The following HMCN2 variants were observed in gnomAD, a reference collection of about 807,000 sequenced individuals.
HMCN2 encodes the protein hemicentin 2, also known as hemicentin-2.
A neutral mutation model predicts 377.5 loss-of-function variants in HMCN2; 325 were observed. That is an observed-to-expected ratio of 0.86 (90% CI 0.79 to 0.94). HMCN2 has a LOEUF of 0.94. Among genes scored for constraint, HMCN2 ranks in the 40% least tolerant of loss-of-function variants. The pLI, the probability that HMCN2 is intolerant of heterozygous loss-of-function variation, is 0.00. For missense variants in HMCN2, 4,543 were observed against 4,725.3 expected, an observed-to-expected ratio of 0.96 and a Z score of 1.13; for synonymous variants, 2,007 against 2,046.8, an observed-to-expected ratio of 0.98 and a Z score of 0.53.
chr9:130,400,172 G>T (rs1356356871), intron 76 of HMCN2: 6 of 152,600 alleles, frequency 3.9e-5, no homozygotes, highest in African/African-American at 1.4e-4. Context: ...TTCCCCTGGA[G>T]GTCTCCTCTG....
rs964568149 is a variant in HMCN2 at position 130,434,043 on chromosome 9, T to G, written c.*350T>G. The G allele has an allele frequency of 1.3e-5, 3 of 238,384 alleles. No homozygotes were observed. Among genetic ancestry groups the G allele is most frequent in the Non-Finnish European group, 2.4e-5 (3 of 124,748 alleles). 14.8% of individuals were successfully genotyped at this position (238,384 alleles called of 1,614,324 possible). On this transcript the variant is annotated 3_prime_UTR_variant, in exon 98 of 98. Transcript: ENST00000683500. ...GAGGGGGCAGACCCCGCGTTAGGGG[T>G]GGCAGCAGCTGTCGCCCGGCCACAC...
intron 1 of HMCN2, among the ~76,000 whole-genome samples, chr9:130,277,766 C>T (rs1834789262): frequency 7.6e-6 from 1 of 132,430 alleles, no homozygotes; most frequent in African/African-American, 2.9e-5. Context: ...ATCATCATCA[C>T]CACCACCATC....
rs1203046415 is a variant in HMCN2 at position 130,350,393 on chromosome 9, A to AAG, written c.4430+731_4430+732insGA. ...GCTAAAAATACAAAAAAATACAAAA[A>AAG]AAAAAAAAAAAGAAATAGCCAGGCA... is the stretch of plus-strand genomic sequence containing the variant. On this transcript the variant is annotated intron_variant, in intron 29 of 97. Transcript: ENST00000683500. Among the ~76,000 whole-genome samples the AAG allele has an allele frequency of 1.4e-5, 2 of 146,854 alleles. 1 individual carries two copies. Among genetic ancestry groups the AAG allele is most frequent in the Non-Finnish European group, 3.0e-5 (2 of 66,176 alleles).
intron 43 of HMCN2, among the ~76,000 whole-genome samples, chr9:130,366,835 A>G (rs1196851474): frequency 6.6e-6 from 1 of 152,106 alleles, no homozygotes; most frequent in Non-Finnish European, 1.5e-5. Context: ...ACAGATCCCC[A>G]CCCTCACAAT....
chr9:130,368,519 C>A, intron 44 of HMCN2, 82 bp downstream of exon 44: 2 of 789,536 alleles, frequency 2.5e-6, no homozygotes, highest in Non-Finnish European at 3.1e-6. Flanking sequence ...GGAGCAAATA[C>A]GGGGAAGTGA....
intron 27 of HMCN2, 83 bp from the exon 28 acceptor site, chr9:130,348,901 C>T (rs1004971242): frequency 1.8e-5 from 23 of 1,243,392 alleles, no homozygotes; most frequent in Admixed American, 4.9e-5. Context: ...GGCCACCTCT[C>T]GGGCCTCAGT....
At chr9:130,418,693 G>A (rs1843822068) in intron 85 of HMCN2, 79 bp from the exon 86 acceptor site, 2 of 1,204,760 alleles carry the variant, frequency 1.7e-6, no homozygotes, top group Non-Finnish European at 2.2e-6. Flanking sequence ...GGATTTCCCA[G>A]TGTGTCTAAA....
At chr9:130,279,201 G>A (rs1050355646) in intron 1 of HMCN2, among the ~76,000 whole-genome samples, 2 of 152,010 alleles carry the variant, frequency 1.3e-5, no homozygotes, top group Admixed American at 6.6e-5. Flanking sequence ...CCGTGGTGAA[G>A]GACAGAGACA....
chr9:130,374,152 T>C (rs978701811), intron 48 of HMCN2, among the ~76,000 whole-genome samples: 2 of 149,286 alleles, frequency 1.3e-5, no homozygotes, highest in African/African-American at 4.9e-5. Context: ...AATGGATGAT[T>C]GATTGACTGG....
At chr9:130,294,821 C>T (rs1015203307) in intron 4 of HMCN2, 34 bp from the exon 5 acceptor site, 3 of 392,446 alleles carry the variant, frequency 7.6e-6, no homozygotes, top group Admixed American at 2.9e-5. Flanking sequence ...ATTGTGGGCA[C>T]CTGCCGGCAT....
Position 130,364,898 on chromosome 9 carries a change from G to A in HMCN2, c.6408+9G>A. On this transcript the variant is annotated intron_variant, in intron 41 of 97. Transcript: ENST00000683500. ...ACAAAGCCTTGCTGCAGGTGTGCAG[G>A]CCCCTGGCCAGCCAAGCAGGCCTCC... 4.1e-6 allele frequency: 4 copies of A among 985,816 alleles called. No individual in the cohort carries two copies. Among genetic ancestry groups the A allele is most frequent in the Non-Finnish European group, 4.8e-6 (4 of 829,940 alleles). The allele number at this position is 985,816 out of a possible 1,614,324, so 61.1% of individuals were successfully genotyped here.
At chr9:130,326,553 T>C (rs1838144639) in intron 21 of HMCN2, among the ~76,000 whole-genome samples, 1 of 151,796 alleles carries the variant, frequency 6.6e-6, no homozygotes, top group Non-Finnish European at 1.5e-5. Flanking sequence ...TTTTCTCTCA[T>C]AGACCCTTAC....
chr9:130,381,015 G>A (rs1770646706), intron 54 of HMCN2, among the ~76,000 whole-genome samples: 1 of 151,934 alleles, frequency 6.6e-6, no homozygotes, highest in Admixed American at 6.6e-5. Flanking sequence ...CCAGACCACA[G>A]CCACCAACTG....
chr9:130,321,281 CA>C (rs1161128619), intron 18 of HMCN2, among the ~76,000 whole-genome samples: 2 of 151,750 alleles, frequency 1.3e-5, no homozygotes, highest in African/African-American at 4.8e-5. Flanking sequence ...CTATCTGCCC[CA>C]GACACCGGCG....
intron 53 of HMCN2, 48 bp from the exon 54 acceptor site, chr9:130,379,201 C>T (rs1394827864): frequency 4.6e-6 from 3 of 657,012 alleles, no homozygotes; most frequent in Non-Finnish European, 5.7e-6. Flanking sequence ...GAGGTGCATT[C>T]CCCACCCCTC....
intron 1 of HMCN2, among the ~76,000 whole-genome samples, chr9:130,277,308 G>T (rs1442347222): frequency 2.0e-5 from 3 of 152,218 alleles, no homozygotes; most frequent in Non-Finnish European, 4.4e-5. Flanking sequence ...CTGCTCGGAG[G>T]GACTGCACGC....
intron 25 of HMCN2, among the ~76,000 whole-genome samples, chr9:130,343,072 G>A (rs1290839102): frequency 3.3e-5 from 5 of 152,208 alleles, no homozygotes; most frequent in Admixed American, 3.3e-4. Context: ...TGGGAACTCA[G>A]TGGGACCCCA....
At chr9:130,338,513 A>G (rs929906440) in intron 23 of HMCN2, 83 of 152,424 alleles carry the variant, frequency 5.4e-4, no homozygotes, top group African/African-American at 2.0e-3. Flanking sequence ...GCCATCAACA[A>G]GGCACTTTGT....
chr9:130,382,978 C>T (rs1841811212), intron 56 of HMCN2, 112 bp downstream of exon 56: 1 of 636,692 alleles, frequency 1.6e-6, no homozygotes, highest in Non-Finnish European at 2.0e-6. Flanking sequence ...TTGCTGGGAA[C>T]CATGCTGGAG....
Sources: gnomAD v4.1 joint callset for allele counts (sites outside exome capture counted in the v4.1 genomes callset) on GRCh38, gnomAD v4.1.1 for gene constraint, MANE v1.5 for transcripts, NCBI Gene and HGNC (gene_info 2026-07-23, HGNC 2026-07-21) for gene names.